MYO7B: variants seen among roughly 807,000 people sequenced by gnomAD.
The protein encoded by MYO7B is unconventional myosin-VIIb.
MYO7B carries 212 observed loss-of-function variants against 259.7 expected under a neutral mutation model. The ratio of observed to expected loss-of-function variants is 0.82; its 90% confidence interval spans 0.73 to 0.91. MYO7B has a LOEUF of 0.91. MYO7B is among the 40% of genes least tolerant of loss of function. The probability of loss-of-function intolerance (pLI) is 0.00; values close to 1 mark genes in which losing one functional copy is unlikely to be tolerated. For missense variants in MYO7B, 2,732 were observed against 2,813.5 expected, an observed-to-expected ratio of 0.97 and a Z score of 0.66; for synonymous variants, 1,197 against 1,166.4, an observed-to-expected ratio of 1.03 and a Z score of -0.54.
chr2:127,620,544 G>A (rs1181594876), intron 27 of MYO7B, 78 bp downstream of exon 27: 4 of 1,388,210 alleles, frequency 2.9e-6, no homozygotes, highest in African/African-American at 1.4e-5. Context: ...CCCTGGAGCA[G>A]GTCCACAGAT....
At chr2:127,549,792 C>T (rs532221930) in intron 1 of MYO7B, among the ~76,000 whole-genome samples, 15 of 152,128 alleles carry the variant, frequency 9.9e-5, no homozygotes, top group Admixed American at 6.5e-4. Flanking sequence ...ATCCTGGTGG[C>T]CCTGAGAGAG....
At chr2:127,632,206 C>G (rs1681554167) in intron 38 of MYO7B, 40 bp from the exon 39 acceptor site, 1 of 1,593,574 alleles carries the variant, frequency 6.3e-7, no homozygotes. Context: ...GCCAGGGCCC[C>G]CTGAGGGGCC....
At position 127,576,822 on chromosome 2, in the gene MYO7B, AGGCGG is replaced by A; in HGVS notation, c.849+118_849+122del. ...AAGCCCAACGCTGGCCGGGCCCCTG[AGGCGG>A]GGCTGGTTCCCTTTGCCTCTCCTCG... On this transcript the variant is annotated intron_variant, in intron 8 of 47. Transcript: ENST00000409816. The surrounding 1 kb of genome is among the most constrained non-coding windows in gnomAD (Gnocchi z 4.9). 5 of 714,324 alleles carry A rather than the reference AGGCGG, an allele frequency of 7.0e-6. No homozygotes were observed. The South Asian group carries it at 9.7e-5, about 14-fold the overall frequency. The allele number at this position is 714,324 out of a possible 1,614,324, so 44.2% of individuals were successfully genotyped here.
In MYO7B at chr2:127,544,575, A is replaced by ATTT. The variant is rs35578661; in HGVS notation, c.-24+8765_-24+8767dup. Among the ~76,000 whole-genome samples the ATTT allele has an allele frequency of 1.4e-3, 146 of 103,120 alleles. 1 individual carries two copies. The highest frequency in any genetic ancestry group is 3.3e-3 in the African/African-American group (86 of 25,866). The allele number at this position is 103,120 out of a possible 152,430, so 67.7% of individuals were successfully genotyped here. A position where few individuals can be genotyped will look rare whatever the true frequency, so the allele number is the denominator to read the frequency against. ...AGGGGTGTGCCACCACGTCTGGCTA[A>ATTT]TTTTTTTTTTTTTTTTTTTTTTTGA... On this transcript the variant is annotated intron_variant, in intron 1 of 47. Transcript: ENST00000409816.
chr2:127,539,302 A>T lies in MYO7B; in HGVS notation c.-24+3471A>T, dbSNP rs1692914270. 6.6e-6 allele frequency among the ~76,000 whole-genome samples: 1 copy of T among 152,252 alleles called. No homozygotes were observed. The highest frequency in any genetic ancestry group is 2.4e-5 in the African/African-American group (1 of 41,468). ...TGCAGCTGGGAAAATGTTAGTAAACAAAATGTACATCAGAAAATCCCATAT... is the reference window on the plus strand; with the variant it reads ...TGCAGCTGGGAAAATGTTAGTAAACTAAATGTACATCAGAAAATCCCATAT... On this transcript the variant is annotated intron_variant, in intron 1 of 47. Transcript: ENST00000409816. The surrounding 1 kb of genome is among the most constrained non-coding windows in gnomAD (Gnocchi z 4.0).
At chr2:127,558,281 C>T (rs1677911269) in intron 1 of MYO7B, among the ~76,000 whole-genome samples, 1 of 152,126 alleles carries the variant, frequency 6.6e-6, no homozygotes, top group Admixed American at 6.5e-5. Flanking sequence ...AAATAGAAAT[C>T]AAAACTGCAA....
Position 127,565,332 on chromosome 2 carries a change from G to A in MYO7B, c.232G>A (p.Glu78Lys), listed in dbSNP as rs752534072. 8.1e-6 allele frequency: 13 copies of A among 1,614,028 alleles called. No individual in the cohort carries two copies. The highest frequency in any genetic ancestry group is 2.2e-5 in the East Asian group (1 of 44,880). The change falls in exon 4 of 48, where the codon GAG becomes AAG. Residue 78 changes from glutamate to lysine, a missense_variant. Around this residue, in one of 3 missense-constraint regions of MYO7B, gnomAD observed 1,906 missense variants for 2,026.4 expected, o/e 0.94. Coordinates refer to ENST00000409816, the MANE Select transcript of MYO7B (RefSeq NM_001393586.1). Reference protein sequence around the residue: ...DDMIRLGDLNEAGMVHNLLIR... With the variant: ...DDMIRLGDLNKAGMVHNLLIR... ...CATGATCCGCCTGGGGGACCTGAAC[G>A]AGGCAGGCATGGTGCACAACCTCCT...
At chr2:127,621,748 C>T (rs752921365) in intron 27 of MYO7B, among the ~76,000 whole-genome samples, 8 of 152,224 alleles carry the variant, frequency 5.3e-5, no homozygotes, top group Non-Finnish European at 1.0e-4. Context: ...TAGGATAGGC[C>T]TGCATTGTTG....
chr2:127,578,240 C>A lies in MYO7B; in HGVS notation c.957C>A (p.Ile319=). 3 of 1,613,714 alleles carry A rather than the reference C, an allele frequency of 1.9e-6. No individual in the cohort carries two copies. Among genetic ancestry groups the A allele is most frequent in the Non-Finnish European group, 2.5e-6 (3 of 1,179,860 alleles). ...CCGACTCCGAGAGCTGGGACGTCAT[C>A]AAGCTGCTGGCTGCCATTCTCCACC... ...QFSDSESWDV[I]KLLAAILHLG... Residue 319 remains isoleucine, a synonymous_variant, in exon 9 of 48, where the codon ATC becomes ATA. Transcript: ENST00000409816.
Position 127,576,594 on chromosome 2 carries a change from G to T in MYO7B, c.736-1G>T. On this transcript the variant is annotated splice_acceptor_variant, in intron 7 of 47. Coordinates refer to ENST00000409816, the MANE Select transcript of MYO7B (RefSeq NM_001393586.1). LOFTEE classifies it high-confidence loss of function. The surrounding 1 kb of genome is among the most constrained non-coding windows in gnomAD (Gnocchi z 4.9). ...TCTGGAATGCCCTCCCTCCCTCCCAGGCTCCCGAGGAGCGGAACTACCATA... is the reference window on the plus strand; with the variant it reads ...TCTGGAATGCCCTCCCTCCCTCCCATGCTCCCGAGGAGCGGAACTACCATA... 6.5e-7 allele frequency: 1 copy of T among 1,530,576 alleles called. No homozygotes were observed. The highest frequency in any genetic ancestry group is 9.0e-7 in the Non-Finnish European group (1 of 1,111,214). 94.8% of individuals were successfully genotyped at this position (1,530,576 alleles called of 1,614,324 possible).
At chr2:127,555,444 G>A (rs924465086) in intron 1 of MYO7B, among the ~76,000 whole-genome samples, 1 of 151,982 alleles carries the variant, frequency 6.6e-6, no homozygotes, top group African/African-American at 2.4e-5. Flanking sequence ...TTTGGATTTG[G>A]TTTGTTCTTG....
intron 27 of MYO7B, among the ~76,000 whole-genome samples, chr2:127,621,272 T>G (rs542248841): frequency 5.3e-5 from 8 of 151,082 alleles, no homozygotes; most frequent in Admixed American, 2.0e-4. Flanking sequence ...TTTGTTTTTT[T>G]TTTTTTTTTG....
chr2:127,634,688 G>A lies in MYO7B; in HGVS notation c.5713+5G>A. The A allele has an allele frequency of 1.2e-6, 2 of 1,608,778 alleles. No individual in the cohort carries two copies. The highest frequency in any genetic ancestry group is 1.1e-5 in the South Asian group (1 of 90,398). ...AGAACAAGCCCCAGAAAGAAGGTGA[G>A]GAGGCCTCTGTGGAGCTGGGGGAGG... On this transcript the variant is annotated splice_donor_5th_base_variant and intron_variant, in intron 42 of 47. Transcript: ENST00000409816.
chr2:127,630,900 G>A lies in MYO7B; in HGVS notation c.4929G>A (p.Glu1643=), dbSNP rs775852746. 4 of 1,578,590 alleles carry A rather than the reference G, an allele frequency of 2.5e-6. No individual in the cohort carries two copies. The highest frequency in any genetic ancestry group is 3.4e-4 in the Middle Eastern group (2 of 5,970). ...KLHTLEEFSY[E]FFRAPEKDMV... ...ACACCCTGGAGGAGTTCTCCTATGAGTTCTTCAGGTGCCCCCCAGCCCCGC... is the reference window on the plus strand; with the variant it reads ...ACACCCTGGAGGAGTTCTCCTATGAATTCTTCAGGTGCCCCCCAGCCCCGC... The change falls in exon 36 of 48, where the codon GAG becomes GAA. Residue 1643 remains glutamate (E), a synonymous_variant. Transcript: ENST00000409816.
At position 127,537,025 on chromosome 2, in the gene MYO7B, T is replaced by G. The variant is rs72843330; in HGVS notation, c.-24+1194T>G. Among the ~76,000 whole-genome samples, 1,510 of 152,318 alleles carry G rather than the reference T, an allele frequency of 9.9e-3. 14 individuals are homozygous for G. The highest frequency in any genetic ancestry group is 0.017 in the Non-Finnish European group (1,143 of 68,024). On this transcript the variant is annotated intron_variant, in intron 1 of 47. Transcript: ENST00000409816. ...GTTTTACATATGTCAAAAGACAAAA[T>G]TATAAAAAATTTATCTTAAAGATCT...
intron 31 of MYO7B, chr2:127,626,523 G>C (rs1317546301): frequency 6.1e-6 from 1 of 164,086 alleles, no homozygotes; most frequent in Admixed American, 6.0e-5. Context: ...GCTCATGCCT[G>C]TAATCCCAGC....
chr2:127,637,183 T>C (rs2255039), intron 47 of MYO7B, 133 bp from the exon 48 acceptor site: 386,034 of 893,954 alleles, frequency 0.43, 85,651 homozygotes, highest in South Asian at 0.53. Context: ...ACGGCCCCAA[T>C]GGCAGGAGCC....
intron 11 of MYO7B, 22 bp downstream of exon 11, chr2:127,582,032 G>C: frequency 6.2e-7 from 1 of 1,613,214 alleles, no homozygotes; most frequent in Non-Finnish European, 8.5e-7. Context: ...AGAGAGCAGG[G>C]CTTACATGGC....
intron 34 of MYO7B, 132 bp from the exon 35 acceptor site, chr2:127,629,513 C>T: frequency 2.5e-6 from 2 of 811,338 alleles, no homozygotes; most frequent in Non-Finnish European, 3.7e-6. Context: ...CACCATCGCT[C>T]ACTCTTGGAG....
Sources: allele counts gnomAD v4.1 joint callset (sites outside exome capture counted in the v4.1 genomes callset), GRCh38; gene constraint gnomAD v4.1.1; regional missense constraint gnomAD v4.1.1; non-coding constraint Gnocchi (gnomAD v3.1); transcripts MANE v1.5; gene names NCBI Gene and HGNC (gene_info 2026-07-23, HGNC 2026-07-21).